Variants in NCOA4 observed in about 807,000 individuals in gnomAD.
The protein encoded by NCOA4 is nuclear receptor coactivator 4.
In NCOA4, 31 loss-of-function variants were observed where a neutral mutation model predicts 69.5. The observed-to-expected ratio is 0.45, with a 90% CI of 0.34 to 0.60. NCOA4 has a LOEUF of 0.60. Ranked by LOEUF, NCOA4 falls within the 20% of genes least tolerant of loss-of-function variation. The pLI, the probability that NCOA4 is intolerant of heterozygous loss-of-function variation, is 0.02. For synonymous variants in NCOA4, 228 were observed against 252.4 expected (o/e 0.90, Z 0.92); for missense variants, 600 against 719.2 (o/e 0.83, Z 1.90).
intron 6 of NCOA4, 143 bp from the exon 7 acceptor site, chr10:46,013,169 CAA>C (rs780166084): frequency 1.3e-5 from 9 of 712,062 alleles, no homozygotes; most frequent in South Asian, 1.9e-5. Flanking sequence ...AATTATAAAA[CAA>C]GAGACACACA....
At chr10:46,023,825 T>C (rs1195479776) in intron 1 of NCOA4, among the ~76,000 whole-genome samples, 3 of 152,248 alleles carry the variant, frequency 2.0e-5, no homozygotes, top group Non-Finnish European at 2.9e-5. Context: ...ATCATGCTTA[T>C]GGTACTTCTA....
In NCOA4 at chr10:46,015,090, A is replaced by G. The variant is rs1839459124; in HGVS notation, c.282+36T>C. On this transcript the variant is annotated intron_variant, in intron 3 of 9. Transcript: ENST00000581486. ...AGATACTCTCTGGCAACCAGAAGCC[A>G]TGCTCAAACCAATTCTAGCCATGCA... 1.9e-6 allele frequency: 3 copies of G among 1,613,930 alleles called. No homozygotes were observed. In the African/African-American group the frequency reaches 4.0e-5, roughly 22 times the overall value.
chr10:46,023,700 G>C (rs1271623044), intron 1 of NCOA4, among the ~76,000 whole-genome samples: 1 of 152,192 alleles, frequency 6.6e-6, no homozygotes, highest in African/African-American at 2.4e-5. Context: ...CTCCCCACTT[G>C]CTCCACCCGA....
At chr10:46,021,415 G>A (rs1026037324) in intron 1 of NCOA4, among the ~76,000 whole-genome samples, 1 of 152,200 alleles carries the variant, frequency 6.6e-6, no homozygotes, top group African/African-American at 2.4e-5. Flanking sequence ...AGCCAGAAGG[G>A]GTAAGATTTG....
In NCOA4 at chr10:46,010,388, CA is replaced by C; in HGVS notation, c.1532del (p.Val511GlyfsTer17). 1 of 1,614,150 alleles carries C rather than the reference CA, an allele frequency of 6.2e-7. No homozygotes were observed. The highest frequency in any genetic ancestry group is 8.5e-7 in the Non-Finnish European group (1 of 1,180,026). On this transcript the variant is annotated frameshift_variant, in exon 8 of 10. Coordinates refer to ENST00000581486, the MANE Select transcript of NCOA4 (RefSeq NM_001145263.2). LOFTEE classifies it high-confidence loss of function. The stretch of plus-strand genomic sequence containing the variant: ...TGCCAGCTCTGTCTTCAGTACCAGG[CA>C]CTTCCTTGGGACTTCCTTCTTTGTA... ...PPYKEGSPKE[V>X]PGTEDRAGKQ...
chr10:46,029,047 A>AGG (rs1840314088), intron 1 of NCOA4, among the ~76,000 whole-genome samples: 2 of 147,902 alleles, frequency 1.4e-5, no homozygotes, highest in Admixed American at 6.8e-5. Context: ...AAAAAAAAAA[A>AGG]AGGGGGGGGT....
rs138011461 is a variant in NCOA4, at chr10:46,023,526, G to A, written c.-14-6832C>T. On this transcript the variant is annotated intron_variant, in intron 1 of 9. Coordinates refer to ENST00000581486, the MANE Select transcript of NCOA4 (RefSeq NM_001145263.2). The stretch of plus-strand genomic sequence containing the variant: ...GGAGGAGCGGAAAACTCCGCCCATT[G>A]TTGCCCTGCTCCCAGCCAGTCCCCG... 1,433 of 985,474 alleles carry A rather than the reference G, an allele frequency of 1.5e-3. 11 individuals are homozygous for A. In the African/African-American group the frequency reaches 0.024, roughly 16 times the overall value. The allele number at this position is 985,474 out of a possible 1,614,324, so 61.0% of individuals were successfully genotyped here.
In NCOA4 at chr10:46,010,446, C is replaced by CT; in HGVS notation, c.1474dup (p.Ser492LysfsTer24). 1.2e-6 allele frequency: 2 copies of CT among 1,614,196 alleles called. No homozygotes were observed. The highest frequency in any genetic ancestry group is 1.7e-6 in the Non-Finnish European group (2 of 1,180,038). ...CCTGATAAGCCACTCCGACAAGGGGCTGTTCTTTATGACTTGGAAGGAATC... is the reference window on the plus strand; with the variant it reads ...CCTGATAAGCCACTCCGACAAGGGGCTTGTTCTTTATGACTTGGAAGGAATC... On this transcript the variant is annotated frameshift_variant, in exon 8 of 10. Transcript: ENST00000581486. LOFTEE classifies it high-confidence loss of function.
At chr10:46,025,464 A>T (rs549397466) in intron 1 of NCOA4, among the ~76,000 whole-genome samples, 1 of 152,274 alleles carries the variant, frequency 6.6e-6, no homozygotes, top group Non-Finnish European at 1.5e-5. Context: ...TCAAGTTGAC[A>T]CCTAAAATTA....
At chr10:46,011,811 T>A (rs1021222340) in intron 7 of NCOA4, among the ~76,000 whole-genome samples, 3 of 151,182 alleles carry the variant, frequency 2.0e-5, no homozygotes, top group Non-Finnish European at 4.4e-5. Context: ...CCCAGCACTT[T>A]GGGAGGCCGA....
Position 46,010,247 on chromosome 10 carries a change from C to T in NCOA4, c.1674G>A (p.Lys558=). The T allele has an allele frequency of 1.9e-6, 3 of 1,609,278 alleles. No individual in the cohort carries two copies. Among genetic ancestry groups the T allele is most frequent in the South Asian group, 2.2e-5 (2 of 90,166 alleles). ...NLSQLSSGED[K]WLLRKKAQEV... ...CCTGGGCCTTCTTTCGAAGCAGCCA[C>T]TTGTCTTCTCCAGAAGATAACTGGC... Residue 558 remains lysine, a synonymous_variant, in exon 8 of 10, where the codon AAG becomes AAA. Coordinates refer to ENST00000581486, the MANE Select transcript of NCOA4 (RefSeq NM_001145263.2).
At chr10:46,027,274 A>C (rs1373827799) in intron 1 of NCOA4, among the ~76,000 whole-genome samples, 8 of 151,730 alleles carry the variant, frequency 5.3e-5, no homozygotes, top group African/African-American at 1.9e-4. Flanking sequence ...GTCTCAAAAA[A>C]AAAAAAAAAA....
intron 1 of NCOA4, among the ~76,000 whole-genome samples, chr10:46,020,010 T>A (rs541504895): frequency 1.3e-5 from 2 of 152,312 alleles, no homozygotes; most frequent in Admixed American, 1.3e-4. Flanking sequence ...AAAGGAGCTA[T>A]GCAAAGGCTT....
chr10:46,028,953 A>G (rs553874250), intron 1 of NCOA4, among the ~76,000 whole-genome samples: 1 of 149,592 alleles, frequency 6.7e-6, no homozygotes, highest in African/African-American at 2.4e-5. Flanking sequence ...CGGGGGAGGG[A>G]TATGTGTCAG....
chr10:46,024,381 GT>G (rs1319592606), intron 1 of NCOA4, among the ~76,000 whole-genome samples: 1 of 152,152 alleles, frequency 6.6e-6, no homozygotes, highest in Admixed American at 6.5e-5. Context: ...TGATCACAAT[GT>G]AAATACAAAG....
chr10:46,013,665 T>C (rs782676656), intron 5 of NCOA4, 26 bp from the exon 6 acceptor site: 75 of 1,521,728 alleles, frequency 4.9e-5, no homozygotes, highest in Non-Finnish European at 6.7e-5. Context: ...AATTTAATCA[T>C]GTTATTTATG....
At chr10:46,016,410 G>T in intron 2 of NCOA4, 130 bp downstream of exon 2, 2 of 748,400 alleles carry the variant, frequency 2.7e-6, no homozygotes, top group Non-Finnish European at 3.9e-6. Flanking sequence ...CAACTGACGG[G>T]GACCAAGTAG....
In NCOA4 at chr10:46,006,577, C is replaced by T. The variant is rs370635886; in HGVS notation, c.*15G>A. ...GATAATCAGCAGAAAGGCTGCTCAA[C>T]TCTTGTCCATTCCTTCACATCTGTA... On this transcript the variant is annotated 3_prime_UTR_variant, in exon 10 of 10. Transcript: ENST00000581486. The T allele has an allele frequency of 1.3e-4, 209 of 1,613,944 alleles. 1 individual carries two copies. The highest frequency in any genetic ancestry group is 1.7e-4 in the Middle Eastern group (1 of 5,974).
rs575361648 is a variant in NCOA4, at chr10:46,021,682, G to A, written c.-14-4988C>T. 7.9e-5 allele frequency among the ~76,000 whole-genome samples: 12 copies of A among 152,272 alleles called. 1 individual carries two copies. Among genetic ancestry groups the A allele is most frequent in the South Asian group, 4.1e-4 (2 of 4,824 alleles). ...AACACTAACAAAAATAGTACTGGCC[G>A]GGCGCGGTGACTCACGCCTGTAATC... On this transcript the variant is annotated intron_variant, in intron 1 of 9. Transcript: ENST00000581486.
Sources: gnomAD v4.1 joint callset for allele counts (sites outside exome capture counted in the v4.1 genomes callset) on GRCh38, gnomAD v4.1.1 for gene constraint, MANE v1.5 for transcripts, NCBI Gene and HGNC (gene_info 2026-07-23, HGNC 2026-07-21) for gene names.